Variants in ARMC9 observed in about 807,000 individuals in gnomAD.
The protein encoded by ARMC9 is lisH domain-containing protein ARMC9.
ARMC9 carries 94 observed loss-of-function variants against 107.0 expected under a neutral mutation model. That is an observed-to-expected ratio of 0.88 (90% CI 0.74 to 1.04). The LOEUF (loss-of-function observed/expected upper bound fraction) is 1.04. ARMC9 is among the 50% of genes least tolerant of loss of function. The probability of loss-of-function intolerance (pLI) is 0.00; values close to 1 mark genes in which losing one functional copy is unlikely to be tolerated. For missense variants in ARMC9, 942 were observed against 1,030.1 expected, an observed-to-expected ratio of 0.91 and a Z score of 1.17; for synonymous variants, 380 against 396.9, an observed-to-expected ratio of 0.96 and a Z score of 0.51.
At chr2:231,340,365 C>T (rs566661189) in intron 20 of ARMC9, among the ~76,000 whole-genome samples, 4 of 152,242 alleles carry the variant, frequency 2.6e-5, no homozygotes, top group South Asian at 2.1e-4. Context: ...TTGCATCAAG[C>T]GCCTTTACCT....
chr2:231,317,271 A>G (rs1282006326), intron 19 of ARMC9, among the ~76,000 whole-genome samples: 1 of 151,980 alleles, frequency 6.6e-6, no homozygotes, highest in Non-Finnish European at 1.5e-5. Flanking sequence ...CCTGGGTTCA[A>G]GCGATTCTCC....
At chr2:231,296,078 T>A (rs999907305) in intron 18 of ARMC9, 120 bp from the exon 19 acceptor site, 3 of 619,784 alleles carry the variant, frequency 4.8e-6, no homozygotes, top group Admixed American at 3.1e-5. Context: ...AGGAGCATGA[T>A]GACTTTGATG....
At chr2:231,345,122 C>T (rs1388528850) in intron 21 of ARMC9, 32 bp downstream of exon 21, 2 of 1,605,436 alleles carry the variant, frequency 1.2e-6, no homozygotes, top group Non-Finnish European at 1.7e-6. Flanking sequence ...CGGGAATTGA[C>T]TTTCTTAAGC....
intron 19 of ARMC9, among the ~76,000 whole-genome samples, chr2:231,309,420 C>T (rs1018137445): frequency 6.6e-6 from 1 of 152,134 alleles, no homozygotes; most frequent in African/African-American, 2.4e-5. Flanking sequence ...AATAATAGTA[C>T]ATTTTATGTA....
chr2:231,243,887 A>G (rs1381588175), intron 9 of ARMC9, among the ~76,000 whole-genome samples: 1 of 152,208 alleles, frequency 6.6e-6, no homozygotes, highest in African/African-American at 2.4e-5. Flanking sequence ...CTGGACTGAT[A>G]GGATTTAGGA....
intron 19 of ARMC9, among the ~76,000 whole-genome samples, chr2:231,316,907 C>T (rs1486331156): frequency 1.3e-5 from 2 of 152,046 alleles, no homozygotes; most frequent in African/African-American, 4.8e-5. Context: ...GGATTACAGG[C>T]ATGCACCACC....
intron 19 of ARMC9, among the ~76,000 whole-genome samples, chr2:231,311,052 A>G (rs1009051376): frequency 1.3e-5 from 2 of 152,042 alleles, no homozygotes; most frequent in Non-Finnish European, 2.9e-5. Context: ...GCTTGAGCCC[A>G]AGAGGTTGAG....
At chr2:231,211,907 C>G (rs1403401933) in intron 3 of ARMC9, among the ~76,000 whole-genome samples, 1 of 152,124 alleles carries the variant, frequency 6.6e-6, no homozygotes, top group African/African-American at 2.4e-5. Context: ...CTGATTGTCA[C>G]AAGCATATCT....
intron 8 of ARMC9, among the ~76,000 whole-genome samples, chr2:231,237,362 A>G (rs2035816977): frequency 6.6e-6 from 1 of 152,178 alleles, no homozygotes. Flanking sequence ...ATTGCATTAT[A>G]AGGGTGAATC....
At chr2:231,231,246 C>T (rs918435842) in intron 7 of ARMC9, among the ~76,000 whole-genome samples, 2 of 152,074 alleles carry the variant, frequency 1.3e-5, no homozygotes, top group African/African-American at 4.8e-5. Flanking sequence ...CCACTTGGTC[C>T]GTGTTGAGAA....
chr2:231,271,213 G>C, intron 13 of ARMC9, 141 bp downstream of exon 13: 1 of 792,510 alleles, frequency 1.3e-6, no homozygotes, highest in Non-Finnish European at 2.0e-6. Context: ...AAGGTCTTTT[G>C]TGAAAATTAA....
At chr2:231,233,823 T>C (rs1490235100) in intron 7 of ARMC9, among the ~76,000 whole-genome samples, 2 of 152,046 alleles carry the variant, frequency 1.3e-5, no homozygotes, top group East Asian at 3.9e-4. Context: ...ATTTACAAAG[T>C]CTTTCACCCC....
chr2:231,237,985 A>C (rs1262410465), intron 8 of ARMC9, among the ~76,000 whole-genome samples: 1 of 151,706 alleles, frequency 6.6e-6, no homozygotes, highest in Admixed American at 6.6e-5. Flanking sequence ...AGAAAACTCC[A>C]GAAGAAGAGA....
Position 231,292,089 on chromosome 2 carries a change from AC to A in ARMC9, c.1717+648del, listed in dbSNP as rs1480574862. Among the ~76,000 whole-genome samples the A allele has an allele frequency of 8.5e-4, 127 of 149,364 alleles. 1 individual carries two copies. The highest frequency in any genetic ancestry group is 3.0e-3 in the African/African-American group (121 of 40,266). On this transcript the variant is annotated intron_variant, in intron 18 of 24. Coordinates refer to ENST00000611582, the MANE Select transcript of ARMC9 (RefSeq NM_001352754.2). ...AGGCTGAGGCAGGAGAATCGCTTGA[AC>A]CTGGGAGGCGGAGGTTGTAGTGAGC...
chr2:231,203,753 A>G (rs1052659249), intron 1 of ARMC9, among the ~76,000 whole-genome samples: 1 of 152,216 alleles, frequency 6.6e-6, no homozygotes, highest in Admixed American at 6.5e-5. Context: ...TGAGGTCAGG[A>G]GTTCGAGACC....
At chr2:231,256,303 C>T in intron 9 of ARMC9, 1 of 1,555,538 alleles carries the variant, frequency 6.4e-7, no homozygotes. Context: ...GGAGGTTGCG[C>T]TGAGCTTGCT....
At chr2:231,329,483 A>G (rs1359389012) in intron 19 of ARMC9, among the ~76,000 whole-genome samples, 4 of 151,884 alleles carry the variant, frequency 2.6e-5, no homozygotes, top group African/African-American at 7.3e-5. Context: ...CTAATTTTGT[A>G]TTTTTAGTAG....
rs141102159 is a variant in ARMC9 at position 231,269,338 on chromosome 2, T to G, written c.1120-1644T>G. On this transcript the variant is annotated intron_variant, in intron 12 of 24. Coordinates refer to ENST00000611582, the MANE Select transcript of ARMC9 (RefSeq NM_001352754.2). ...AACCTCCTGAACTGGTTTTCTATTA[T>G]AGTTTTCTCTCATCTTTTCTACTTT... 9.6e-4 allele frequency among the ~76,000 whole-genome samples: 146 copies of G among 152,036 alleles called. 1 individual carries two copies. Among genetic ancestry groups the G allele is most frequent in the African/African-American group, 3.2e-3 (131 of 41,496 alleles).
At chr2:231,256,109 C>T (rs1430922759) in intron 9 of ARMC9, 23 of 1,552,916 alleles carry the variant, frequency 1.5e-5, no homozygotes, top group Non-Finnish European at 1.9e-5. Flanking sequence ...GGACACCAGC[C>T]GTGTGCAGCC....
Sources: allele counts gnomAD v4.1 joint callset (sites outside exome capture counted in the v4.1 genomes callset), GRCh38; gene constraint gnomAD v4.1.1; transcripts MANE v1.5; gene names NCBI Gene and HGNC (gene_info 2026-07-23, HGNC 2026-07-21).